PAK5: variants seen among roughly 807,000 people sequenced by gnomAD.
The protein encoded by PAK5 is p21 (RAC1) activated kinase 5, also known as serine/threonine-protein kinase PAK 5.
Under a neutral mutation model 65.9 loss-of-function variants are expected in PAK5, and 16 were observed. The observed-to-expected ratio is 0.24, with a 90% CI of 0.16 to 0.37. The LOEUF (loss-of-function observed/expected upper bound fraction) is 0.37, where lower values mean the gene tolerates loss of function less well. PAK5 is among the 10% of genes least tolerant of loss of function. The probability of loss-of-function intolerance (pLI) is 1.00; values close to 1 mark genes in which losing one functional copy is unlikely to be tolerated. For missense variants in PAK5, 785 were observed against 903.9 expected (o/e 0.87, Z 1.69); for synonymous variants, 371 against 354.9 (o/e 1.05, Z -0.51).
intron 2 of PAK5, among the ~76,000 whole-genome samples, chr20:9,708,903 A>G (rs6039555): frequency 0.89 from 136,124 of 152,142 alleles, 61,069 homozygotes; most frequent in African/African-American, 0.96. Flanking sequence ...TCACAGAAAC[A>G]ATAAGGCACC....
intron 1 of PAK5, among the ~76,000 whole-genome samples, chr20:9,744,689 C>A (rs921919266): frequency 6.6e-6 from 1 of 152,174 alleles, no homozygotes; most frequent in Non-Finnish European, 1.5e-5. Context: ...TGGTCAACCA[C>A]CAGCTTGAAT....
At chr20:9,699,594 G>A (rs940981159) in intron 2 of PAK5, among the ~76,000 whole-genome samples, 2 of 145,652 alleles carry the variant, frequency 1.4e-5, no homozygotes, top group Admixed American at 1.4e-4. Context: ...GCAGAGACTA[G>A]GATGCTCTGG....
intron 4 of PAK5, among the ~76,000 whole-genome samples, chr20:9,579,584 C>A (rs1338192606): frequency 6.6e-6 from 1 of 151,996 alleles, no homozygotes; most frequent in Non-Finnish European, 1.5e-5. Flanking sequence ...CATCTGTCAC[C>A]CCCAAATTTC....
rs183481250 is a variant in PAK5 at position 9,829,494 on chromosome 20, T to C, written c.-162+9268A>G. 8.2e-4 allele frequency among the ~76,000 whole-genome samples: 125 copies of C among 152,320 alleles called. 1 individual carries two copies. The Middle Eastern group carries it at 0.02, about 25-fold the overall frequency. On this transcript the variant is annotated intron_variant, in intron 1 of 9. Transcript: ENST00000353224. The stretch of plus-strand genomic sequence containing the variant: ...TCTTATGAAGACTAATTAATATACA[T>C]AGGTAAAATACTTGGATGTGGGCTT...
intron 7 of PAK5, among the ~76,000 whole-genome samples, chr20:9,553,853 T>TGCAGTTTTTCAGATATGGG (rs2045467376): frequency 6.6e-6 from 1 of 151,878 alleles, no homozygotes; most frequent in African/African-American, 2.4e-5. Context: ...TTTCCATTTC[T>TGCAGTTTTTCAGATATGGG]CTGGATAAAT....
chr20:9,544,377 C>T lies in PAK5; in HGVS notation c.1861G>A (p.Gly621Arg). ...GACTGTGACCCCCTTACCTCTGTCC[C>T]ATAAGGTAGCCTAGAAATCACCTCA... Reference protein sequence around the residue: ...APEVISRLPYGTEVDIWSLGI... With the variant: ...APEVISRLPYRTEVDIWSLGI... The change falls in exon 8 of 10, where the codon GGG (glycine) becomes AGG (arginine). Residue 621 changes from glycine to arginine, a missense_variant. By Grantham distance (125) the Gly-to-Arg change is moderately radical. Transcript: ENST00000353224. 2 of 1,613,980 alleles carry T rather than the reference C, an allele frequency of 1.2e-6. No homozygotes were observed. The highest frequency in any genetic ancestry group is 1.1e-5 in the South Asian group (1 of 91,064).
intron 7 of PAK5, among the ~76,000 whole-genome samples, chr20:9,555,818 T>C (rs995203474): frequency 6.6e-6 from 1 of 152,176 alleles, no homozygotes; most frequent in African/African-American, 2.4e-5. Context: ...GCTTGCCTCC[T>C]TTGGTGCTCT....
intron 1 of PAK5, among the ~76,000 whole-genome samples, chr20:9,827,262 T>C (rs1367581313): frequency 6.6e-6 from 1 of 152,266 alleles, no homozygotes; most frequent in Admixed American, 6.5e-5. Context: ...TGAGTTGCTG[T>C]ATACCACAGC....
intron 1 of PAK5, among the ~76,000 whole-genome samples, chr20:9,746,747 C>T (rs1385142527): frequency 2.6e-5 from 4 of 152,062 alleles, no homozygotes; most frequent in Non-Finnish European, 4.4e-5. Flanking sequence ...CACAGACATT[C>T]CTTGAGCTGA....
intron 1 of PAK5, among the ~76,000 whole-genome samples, chr20:9,739,096 G>A (rs2423452): frequency 0.68 from 103,248 of 151,956 alleles, 35,315 homozygotes; most frequent in South Asian, 0.84. Context: ...TTTCACAAAT[G>A]CTTCAGGTAC....
intron 1 of PAK5, among the ~76,000 whole-genome samples, chr20:9,795,579 T>C (rs1321879769): frequency 6.6e-6 from 1 of 152,100 alleles, no homozygotes; most frequent in Non-Finnish European, 1.5e-5. Context: ...CAGTACATGG[T>C]ATATAGTAGA....
At chr20:9,734,074 G>A (rs923463915) in intron 1 of PAK5, among the ~76,000 whole-genome samples, 1 of 152,274 alleles carries the variant, frequency 6.6e-6, no homozygotes, top group East Asian at 1.9e-4. Context: ...GTGTCTTGAG[G>A]AAGCTTCTGT....
chr20:9,754,945 C>T (rs1443780582), intron 1 of PAK5, among the ~76,000 whole-genome samples: 1 of 152,136 alleles, frequency 6.6e-6, no homozygotes, highest in African/African-American at 2.4e-5. Flanking sequence ...TAAAAAGTTT[C>T]AAGAGGCAAT....
chr20:9,729,315 A>C (rs1484632797), intron 1 of PAK5, among the ~76,000 whole-genome samples: 2 of 152,164 alleles, frequency 1.3e-5, no homozygotes, highest in Non-Finnish European at 2.9e-5. Context: ...ATTTCACATA[A>C]AACTTCTGTT....
chr20:9,606,298 G>A (rs1249730846), intron 3 of PAK5, among the ~76,000 whole-genome samples: 1 of 152,158 alleles, frequency 6.6e-6, no homozygotes, highest in African/African-American at 2.4e-5. Flanking sequence ...CCCGATGATT[G>A]TAAGTTTTCT....
In PAK5 at chr20:9,580,645, G is replaced by A. The variant is rs2045962583; in HGVS notation, c.490C>T (p.His164Tyr). The A allele has an allele frequency of 3.1e-6, 5 of 1,613,970 alleles. No homozygotes were observed. Among genetic ancestry groups the A allele is most frequent in the Non-Finnish European group, 4.2e-6 (5 of 1,179,948 alleles). ...ACGTGCCCATTTTGCTTGGCTGCGT[G>A]GCTGCCTCTATAATACGGATCCAGA... Reference protein sequence around the residue: ...DDLDPYYRGSHAAKQNGHVMK... With the variant: ...DDLDPYYRGSYAAKQNGHVMK... The change falls in exon 4 of 10, where the codon CAC becomes TAC. Residue 164 changes from histidine (H) to tyrosine (Y), a missense_variant. This residue lies in a region of PAK5 where 422 missense variants were observed against 413.3 expected (regional missense o/e 1.02). Coordinates refer to ENST00000353224, the MANE Select transcript of PAK5 (RefSeq NM_177990.4).
chr20:9,559,185 C>T (rs368264265), intron 6 of PAK5, among the ~76,000 whole-genome samples: 29 of 152,150 alleles, frequency 1.9e-4, no homozygotes, highest in East Asian at 7.8e-4. Flanking sequence ...AAACTTCTTC[C>T]CTATCCCATG....
chr20:9,677,886 T>C (rs2423413), intron 2 of PAK5, among the ~76,000 whole-genome samples: 64,446 of 152,072 alleles, frequency 0.42, 14,116 homozygotes, highest in East Asian at 0.72. Context: ...AGGCCTACTG[T>C]TAGGTCTTGT....
chr20:9,815,875 C>T (rs561663932), intron 1 of PAK5, among the ~76,000 whole-genome samples: 18 of 152,290 alleles, frequency 1.2e-4, no homozygotes, highest in African/African-American at 4.1e-4. Flanking sequence ...AGCCCCTTCT[C>T]TAGTGTTCCC....
Sources: gnomAD v4.1 joint callset for allele counts (sites outside exome capture counted in the v4.1 genomes callset) on GRCh38, gnomAD v4.1.1 for gene constraint, gnomAD v4.1.1 regional missense constraint, MANE v1.5 for transcripts, NCBI Gene and HGNC (gene_info 2026-07-23, HGNC 2026-07-21) for gene names.